PRKAG2: variants seen among roughly 807,000 people sequenced by gnomAD.
PRKAG2 encodes the protein protein kinase AMP-activated non-catalytic subunit gamma 2.
In PRKAG2, 26 loss-of-function variants were observed where a neutral mutation model predicts 69.6. The observed-to-expected ratio is 0.37, with a 90% CI of 0.27 to 0.52. The LOEUF (loss-of-function observed/expected upper bound fraction) is 0.52. Among genes scored for constraint, PRKAG2 ranks in the 20% least tolerant of loss-of-function variants. PRKAG2 has a pLI of 0.90. For synonymous variants in PRKAG2, 293 were observed against 285.0 expected, an observed-to-expected ratio of 1.03 and a Z score of -0.28; for missense variants, 557 against 740.0, an observed-to-expected ratio of 0.75 and a Z score of 2.87.
intron 4 of PRKAG2, among the ~76,000 whole-genome samples, chr7:151,653,400 G>A (rs1828868157): frequency 6.6e-6 from 1 of 152,066 alleles, no homozygotes; most frequent in South Asian, 2.1e-4. Flanking sequence ...TATGAGTACT[G>A]GATAATTAAC....
At chr7:151,623,241 G>A (rs1821944634) in intron 5 of PRKAG2, among the ~76,000 whole-genome samples, 1 of 151,868 alleles carries the variant, frequency 6.6e-6, no homozygotes, top group South Asian at 2.1e-4. Flanking sequence ...GCAAGTGTCT[G>A]TAATCCCAGT....
At chr7:151,872,255 G>A (rs10257323) in intron 1 of PRKAG2, among the ~76,000 whole-genome samples, 147,176 of 152,262 alleles carry the variant, frequency 0.97, 71,335 homozygotes, top group East Asian at 1. Flanking sequence ...TCTCATCACA[G>A]CTGCAGTTCA....
intron 6 of PRKAG2, among the ~76,000 whole-genome samples, chr7:151,580,819 G>A (rs538084039): frequency 1.4e-4 from 21 of 147,976 alleles, no homozygotes; most frequent in African/African-American, 5.2e-4. Context: ...GTGGGTGCGG[G>A]GAGGAAGTAG....
chr7:151,821,539 A>G (rs1380792817), intron 1 of PRKAG2, among the ~76,000 whole-genome samples: 1 of 152,232 alleles, frequency 6.6e-6, no homozygotes, highest in Non-Finnish European at 1.5e-5. Flanking sequence ...TAGAAGGCCA[A>G]GCTGTCGTTT....
chr7:151,819,688 CA>C (rs1403810120), intron 1 of PRKAG2, among the ~76,000 whole-genome samples: 1 of 152,206 alleles, frequency 6.6e-6, no homozygotes, highest in Non-Finnish European at 1.5e-5. Flanking sequence ...CTCTATCTTT[CA>C]AGGCCATGTT....
At chr7:151,669,015 G>C (rs1390323758) in intron 4 of PRKAG2, among the ~76,000 whole-genome samples, 1 of 152,194 alleles carries the variant, frequency 6.6e-6, no homozygotes, top group African/African-American at 2.4e-5. Context: ...CCTCCCATTG[G>C]TCCAAGACAA....
intron 4 of PRKAG2, among the ~76,000 whole-genome samples, chr7:151,646,747 A>AT (rs1563336353): frequency 6.6e-6 from 1 of 152,234 alleles, no homozygotes; most frequent in Non-Finnish European, 1.5e-5. Context: ...TACATATAAA[A>AT]TATGTACTAT....
intron 3 of PRKAG2, among the ~76,000 whole-genome samples, chr7:151,700,866 C>T (rs1029189728): frequency 3.9e-5 from 6 of 152,220 alleles, no homozygotes; most frequent in African/African-American, 9.6e-5. Context: ...TTGGCCTGCC[C>T]GTTTAGAGGT....
intron 5 of PRKAG2, among the ~76,000 whole-genome samples, chr7:151,629,650 C>A (rs1423162625): frequency 6.6e-6 from 1 of 152,142 alleles, no homozygotes; most frequent in African/African-American, 2.4e-5. Context: ...ATGTTTCTAA[C>A]AAATATAGTA....
At chr7:151,701,050 T>C (rs1473905354) in intron 3 of PRKAG2, among the ~76,000 whole-genome samples, 1 of 152,044 alleles carries the variant, frequency 6.6e-6, no homozygotes, top group Non-Finnish European at 1.5e-5. Flanking sequence ...GCCTGTCCTC[T>C]CCTCCCCTCA....
At chr7:151,585,327 T>C (rs1179706457) in intron 6 of PRKAG2, among the ~76,000 whole-genome samples, 1 of 152,152 alleles carries the variant, frequency 6.6e-6, no homozygotes, top group Non-Finnish European at 1.5e-5. Context: ...GTGTGTTTGG[T>C]TCAACGGCTC....
rs371132392 is a variant in PRKAG2, at chr7:151,604,334, C to T, written c.755-8880G>A. Reference sequence around the variant, plus strand: ...GGTGCAGCGGTTATAGTTAAGCAGCCAAGAAAATCATAATGAATGTGTCTA... The same window carrying T: ...GGTGCAGCGGTTATAGTTAAGCAGCTAAGAAAATCATAATGAATGTGTCTA... On this transcript the variant is annotated intron_variant, in intron 5 of 15. Coordinates refer to ENST00000287878, the MANE Select transcript of PRKAG2 (RefSeq NM_016203.4). Among the ~76,000 whole-genome samples the T allele has an allele frequency of 6.8e-4, 103 of 152,286 alleles. 1 individual carries two copies. In the Middle Eastern group the frequency reaches 0.031, roughly 45 times the overall value.
chr7:151,657,944 G>T (rs763793456), intron 4 of PRKAG2, among the ~76,000 whole-genome samples: 62 of 151,808 alleles, frequency 4.1e-4, no homozygotes, highest in Non-Finnish European at 7.8e-4. Context: ...GATCACTTGA[G>T]GTCAGGAGTT....
chr7:151,736,925 G>A (rs990654707), intron 3 of PRKAG2, among the ~76,000 whole-genome samples: 3 of 152,188 alleles, frequency 2.0e-5, no homozygotes, highest in African/African-American at 7.2e-5. Flanking sequence ...CCAAGATCCT[G>A]TCGCCAATGG....
At position 151,777,522 on chromosome 7, in the gene PRKAG2, C is replaced by A. The variant is rs1447534048; in HGVS notation, c.466+3630G>T. 6.6e-6 allele frequency among the ~76,000 whole-genome samples: 1 copy of A among 152,142 alleles called. No homozygotes were observed. The highest frequency in any genetic ancestry group is 2.4e-5 in the African/African-American group (1 of 41,420). On this transcript the variant is annotated intron_variant, in intron 3 of 15. Transcript: ENST00000287878. This position sits in a 1 kb window ranked among gnomAD's most constrained non-coding sequence, Gnocchi z 4.3. ...GTGCTTTAAAGACTCCAGTACCTCC[C>A]CCCTCTCTCTTGCTCCCTTGCGTGT...
chr7:151,702,346 C>T (rs1386692585), intron 3 of PRKAG2, among the ~76,000 whole-genome samples: 1 of 152,230 alleles, frequency 6.6e-6, no homozygotes, highest in African/African-American at 2.4e-5. Flanking sequence ...TAGGCACACA[C>T]TGACTCTCTT....
intron 5 of PRKAG2, among the ~76,000 whole-genome samples, chr7:151,615,175 G>C (rs1250639500): frequency 6.6e-6 from 1 of 152,128 alleles, no homozygotes; most frequent in Non-Finnish European, 1.5e-5. Flanking sequence ...ATGGCTTCCA[G>C]CTCCACCCAT....
At chr7:151,806,288 G>A (rs1054092614) in intron 1 of PRKAG2, among the ~76,000 whole-genome samples, 1 of 152,150 alleles carries the variant, frequency 6.6e-6, no homozygotes, top group Non-Finnish European at 1.5e-5. Context: ...ATTGCTCAAG[G>A]GCTAACTTCC....
chr7:151,735,828 G>T (rs1799689449), intron 3 of PRKAG2: 1 of 1,521,868 alleles, frequency 6.6e-7, no homozygotes, highest in Non-Finnish European at 8.8e-7. Context: ...GCTTAGGAGG[G>T]TGTGCACACA....
Sources: allele counts gnomAD v4.1 joint callset (sites outside exome capture counted in the v4.1 genomes callset), GRCh38; gene constraint gnomAD v4.1.1; non-coding constraint Gnocchi (gnomAD v3.1); transcripts MANE v1.5; gene names NCBI Gene and HGNC (gene_info 2026-07-23, HGNC 2026-07-21).